The following COL21A1 variants were observed in gnomAD, a reference collection of about 807,000 sequenced individuals.
COL21A1 encodes collagen alpha-1(XXI) chain.
Under a neutral mutation model 137.9 loss-of-function variants are expected in COL21A1, and 149 were observed. That is an observed-to-expected ratio of 1.08 (90% CI 0.95 to 1.24). The LOEUF is 1.24. Among genes scored for constraint, COL21A1 ranks in the 50% most tolerant of loss-of-function variants. The pLI, the probability that COL21A1 is intolerant of heterozygous loss-of-function variation, is 0.00. For synonymous variants in COL21A1, 456 were observed against 391.5 expected (o/e 1.16, Z -1.95); for missense variants, 1,167 against 1,158.4 (o/e 1.01, Z -0.11).
intron 1 of COL21A1, among the ~76,000 whole-genome samples, chr6:56,241,037 A>T (rs1782284719): frequency 6.6e-6 from 1 of 152,070 alleles, no homozygotes; most frequent in Non-Finnish European, 1.5e-5. Context: ...TTCCATAGGC[A>T]CCCAAGTAGG....
intron 1 of COL21A1, among the ~76,000 whole-genome samples, chr6:56,213,028 A>G (rs1379110752): frequency 6.6e-6 from 1 of 152,038 alleles, no homozygotes; most frequent in Non-Finnish European, 1.5e-5. Flanking sequence ...ATTAGGTGTG[A>G]CTGCTATCTT....
chr6:56,125,014 T>C (rs1212510553), intron 14 of COL21A1, among the ~76,000 whole-genome samples: 2 of 73,356 alleles, frequency 2.7e-5, no homozygotes, highest in African/African-American at 1.7e-4. Flanking sequence ...TGTAAATCTT[T>C]TTTTTTTTTT....
At chr6:56,261,863 T>C (rs1208823545) in intron 1 of COL21A1, among the ~76,000 whole-genome samples, 2 of 152,188 alleles carry the variant, frequency 1.3e-5, no homozygotes, top group African/African-American at 4.8e-5. Flanking sequence ...GCCATTCATG[T>C]GGAAGATGTG....
chr6:56,263,067 C>T (rs1281730409), intron 1 of COL21A1, among the ~76,000 whole-genome samples: 2 of 152,186 alleles, frequency 1.3e-5, no homozygotes, highest in Non-Finnish European at 2.9e-5. Context: ...AGCCCTAAAC[C>T]ATACAATCCC....
chr6:56,381,402 G>A (rs1055371186), intron 1 of COL21A1, among the ~76,000 whole-genome samples: 5 of 152,104 alleles, frequency 3.3e-5, no homozygotes, highest in Admixed American at 6.5e-5. Context: ...CTCTCCATCC[G>A]CTCAAATAAA....
chr6:56,250,571 C>A (rs1053642666), upstream of COL21A1, among the ~76,000 whole-genome samples: 1 of 152,090 alleles, frequency 6.6e-6, no homozygotes, highest in Non-Finnish European at 1.5e-5. Context: ...TAGAAGATGA[C>A]CCTGAGCCTA....
At chr6:56,291,246 T>C (rs1032323207) in intron 1 of COL21A1, among the ~76,000 whole-genome samples, 2 of 152,082 alleles carry the variant, frequency 1.3e-5, no homozygotes, top group East Asian at 3.9e-4. Context: ...GCTCCAACTC[T>C]AGAGTTAGGG....
At chr6:56,332,401 G>A (rs1012954446) in intron 1 of COL21A1, among the ~76,000 whole-genome samples, 1 of 151,776 alleles carries the variant, frequency 6.6e-6, no homozygotes, top group African/African-American at 2.4e-5. Flanking sequence ...ATGTGATATA[G>A]CCAGAAGAAT....
At chr6:56,363,269 T>C (rs115086855) in intron 1 of COL21A1, among the ~76,000 whole-genome samples, 338 of 152,358 alleles carry the variant, frequency 2.2e-3, no homozygotes, top group African/African-American at 7.8e-3. Flanking sequence ...GCAGGTCATA[T>C]ACACGTAATA....
intron 1 of COL21A1, among the ~76,000 whole-genome samples, chr6:56,319,902 C>T (rs1764826393): frequency 6.6e-6 from 1 of 152,078 alleles, no homozygotes; most frequent in African/African-American, 2.4e-5. Context: ...TAAACTTAAA[C>T]TTTGTGGCCT....
At chr6:56,311,681 T>G (rs1764618627) in intron 1 of COL21A1, among the ~76,000 whole-genome samples, 1 of 152,200 alleles carries the variant, frequency 6.6e-6, no homozygotes, top group Non-Finnish European at 1.5e-5. Context: ...ATGTTGAAAC[T>G]GAAGGCTTTA....
At chr6:56,183,552 G>A (rs1417932693) in intron 1 of COL21A1, among the ~76,000 whole-genome samples, 1 of 152,156 alleles carries the variant, frequency 6.6e-6, no homozygotes, top group Non-Finnish European at 1.5e-5. Context: ...ATACGGAGTA[G>A]ATAAGTAGTC....
At chr6:56,294,650 A>C (rs750452863) in intron 1 of COL21A1, among the ~76,000 whole-genome samples, 28 of 152,106 alleles carry the variant, frequency 1.8e-4, no homozygotes, top group Non-Finnish European at 2.9e-4. Context: ...GCTTTGACAA[A>C]TGTATAATGT....
upstream of COL21A1, among the ~76,000 whole-genome samples, chr6:56,250,470 G>A (rs1782830794): frequency 6.6e-6 from 1 of 152,152 alleles, no homozygotes; most frequent in Non-Finnish European, 1.5e-5. Context: ...TCTAGGATCT[G>A]AGAACCATCC....
chr6:56,124,137 T>A (rs1436320423), intron 15 of COL21A1, 22 bp from the exon 16 acceptor site: 2 of 1,535,824 alleles, frequency 1.3e-6, no homozygotes, highest in Admixed American at 4.0e-5. Context: ...ATACATATGC[T>A]TTAATATATT....
At chr6:56,065,832 G>A (rs1255624502) in intron 23 of COL21A1, among the ~76,000 whole-genome samples, 1 of 151,946 alleles carries the variant, frequency 6.6e-6, no homozygotes, top group African/African-American at 2.4e-5. Flanking sequence ...GGACTCCTAA[G>A]CAGATATATA....
At chr6:56,243,860 G>A (rs1239240904) in intron 1 of COL21A1, among the ~76,000 whole-genome samples, 1 of 152,102 alleles carries the variant, frequency 6.6e-6, no homozygotes, top group Admixed American at 6.5e-5. Flanking sequence ...TTAGACTCAT[G>A]GTTCATTTTC....
rs916898850 is a variant in COL21A1 at position 56,115,235 on chromosome 6, G to A, written c.1758+8827C>T. 4.6e-5 allele frequency among the ~76,000 whole-genome samples: 7 copies of A among 150,886 alleles called. No homozygotes were observed. The East Asian group carries it at 5.9e-4, about 13-fold the overall frequency. ...GGTGCAGCGCACCAGCATGGCACAC[G>A]TATACATATGTAACTAACCTGCACA... On this transcript the variant is annotated intron_variant, in intron 16 of 29. Transcript: ENST00000244728.
At chr6:56,254,494 A>T (rs1782924104) in intron 1 of COL21A1, among the ~76,000 whole-genome samples, 1 of 152,250 alleles carries the variant, frequency 6.6e-6, no homozygotes, top group Admixed American at 6.5e-5. Flanking sequence ...TTCTGTAAGT[A>T]CTTGGATTCT....
Sources: gnomAD v4.1 joint callset for allele counts (sites outside exome capture counted in the v4.1 genomes callset) on GRCh38, gnomAD v4.1.1 for gene constraint, MANE v1.5 for transcripts, NCBI Gene and HGNC (gene_info 2026-07-23, HGNC 2026-07-21) for gene names.